MGA: variants seen among roughly 807,000 people sequenced by gnomAD.
MGA encodes the protein MAX dimerization protein MGA, also known as MAX gene-associated protein.
Under a neutral mutation model 261.1 loss-of-function variants are expected in MGA, and 40 were observed. The ratio of observed to expected loss-of-function variants is 0.15; its 90% CI spans 0.12 to 0.20. MGA has a LOEUF of 0.20. MGA is among the 10% of genes least tolerant of loss of function. MGA has a pLI of 1.00. For synonymous variants in MGA, 1,302 were observed against 1,290.6 expected (o/e 1.01, Z -0.19); for missense variants, 3,397 against 3,630.5 (o/e 0.94, Z 1.65).
At chr15:41,716,149 G>A (rs943754091) in intron 9 of MGA, among the ~76,000 whole-genome samples, 90 of 152,056 alleles carry the variant, frequency 5.9e-4, no homozygotes, top group African/African-American at 2.1e-3. Context: ...GTTAGGGAAG[G>A]ATGAAAAAGG....
intron 1 of MGA, among the ~76,000 whole-genome samples, chr15:41,648,114 T>C (rs2056970522): frequency 6.6e-6 from 1 of 152,268 alleles, no homozygotes; most frequent in Non-Finnish European, 1.5e-5. Context: ...AACAAATTCA[T>C]TCTGCAAATA....
chr15:41,734,158 T>C (rs1397936327), intron 11 of MGA, among the ~76,000 whole-genome samples: 2 of 152,122 alleles, frequency 1.3e-5, no homozygotes, highest in Non-Finnish European at 2.9e-5. Context: ...TCTTCCCACC[T>C]CGGCCTCTCG....
chr15:41,758,617 C>G (rs531634693), intron 19 of MGA, among the ~76,000 whole-genome samples: 22 of 152,236 alleles, frequency 1.4e-4, no homozygotes, highest in South Asian at 2.1e-4. Context: ...TTACATAATT[C>G]ATTGTTTTGT....
intron 2 of MGA, among the ~76,000 whole-genome samples, chr15:41,692,766 C>A (rs753209635): frequency 6.6e-6 from 1 of 152,164 alleles, no homozygotes; most frequent in East Asian, 1.9e-4. Flanking sequence ...GGCTGGAGTG[C>A]AGTGGTGCGA....
intron 9 of MGA, among the ~76,000 whole-genome samples, chr15:41,718,202 T>A (rs777600460): frequency 6.6e-6 from 1 of 151,116 alleles, no homozygotes; most frequent in Non-Finnish European, 1.5e-5. Flanking sequence ...GTTAAATTGA[T>A]AAAAATTCAA....
intron 1 of MGA, among the ~76,000 whole-genome samples, chr15:41,647,418 A>G (rs1284167234): frequency 6.6e-6 from 1 of 152,142 alleles, no homozygotes; most frequent in Non-Finnish European, 1.5e-5. Flanking sequence ...ATATGTGAAT[A>G]TTCTGTTGTA....
chr15:41,688,967 A>G (rs1325108356), intron 2 of MGA, among the ~76,000 whole-genome samples: 1 of 152,046 alleles, frequency 6.6e-6, no homozygotes, highest in South Asian at 2.1e-4. Flanking sequence ...TCCTCTTCTT[A>G]TAAGCCCACC....
rs1449137074 is a variant in MGA at position 41,743,809 on chromosome 15, A to G, written c.5212+637A>G. 3.3e-5 allele frequency among the ~76,000 whole-genome samples: 5 copies of G among 152,202 alleles called. No individual in the cohort carries two copies. The East Asian group carries it at 5.8e-4, about 18-fold the overall frequency. On this transcript the variant is annotated intron_variant, in intron 15 of 23. Transcript: ENST00000219905. ...GATTGAAATAGAAACAAGGAGGCAT[A>G]TTTGTTTAGGGCTCTAATATTTTTA... is the stretch of plus-strand genomic sequence containing the variant.
In MGA at chr15:41,736,556, C is replaced by T; in HGVS notation, c.4292C>T (p.Pro1431Leu). ...CCTGGGAAAATGGAGGATATCTCTC[C>T]TGTGCAGACAGATGCCCTGGATTCA... The change falls in exon 13 of 24, where the codon CCT becomes CTT. Residue 1431 changes from proline (P) to leucine (L), a missense_variant. Physicochemically the swap from Pro to Leu is moderately conservative, Grantham distance 98 (BLOSUM62 -3). Transcript: ENST00000219905. The T allele has an allele frequency of 6.2e-7, 1 of 1,614,018 alleles. No individual in the cohort carries two copies. Among genetic ancestry groups the T allele is most frequent in the South Asian group, 1.1e-5 (1 of 91,084 alleles).
At chr15:41,656,564 T>C (rs1251304766), upstream of MGA, among the ~76,000 whole-genome samples, 1 of 151,766 alleles carries the variant, frequency 6.6e-6, no homozygotes, top group Non-Finnish European at 1.5e-5. Flanking sequence ...CTTGCCATGT[T>C]GCCCAGGCTG....
chr15:41,715,137 C>CTTTTTTTTTTTTTTTTTTTTTTTTTTT (rs766195852), intron 9 of MGA, among the ~76,000 whole-genome samples: 1 of 124,556 alleles, frequency 8.0e-6, no homozygotes, highest in Admixed American at 8.4e-5. Flanking sequence ...TGGTTTCTGT[C>CTTTTTTTTTTTTTTTTTTTTTTTTTTT]TTTTTTTTTT....
At chr15:41,657,685 CAA>C (rs67776808), upstream of MGA, among the ~76,000 whole-genome samples, 14 of 149,288 alleles carry the variant, frequency 9.4e-5, no homozygotes, top group East Asian at 5.8e-4. Flanking sequence ...CAAAACAAAA[CAA>C]AAAAAAAAAC....
At chr15:41,718,581 T>C in intron 9 of MGA, 1 of 373,454 alleles carries the variant, frequency 2.7e-6, no homozygotes. Flanking sequence ...CAACTGCTTC[T>C]CGAAGTGAGC....
At chr15:41,640,526 G>GTT (rs879382682) in intron 1 of MGA, among the ~76,000 whole-genome samples, 1 of 147,448 alleles carries the variant, frequency 6.8e-6, no homozygotes, top group Non-Finnish European at 1.5e-5. Context: ...TTTCCTCTTA[G>GTT]TTTTTTTTTT....
At chr15:41,748,610 A>G (rs2062648469) in intron 15 of MGA, 27 bp from the exon 16 acceptor site, 3 of 1,600,810 alleles carry the variant, frequency 1.9e-6, no homozygotes, top group Non-Finnish European at 2.6e-6. Context: ...GAATTTGGGT[A>G]CCATGTTTCC....
intron 1 of MGA, among the ~76,000 whole-genome samples, chr15:41,666,621 T>A (rs901892114): frequency 6.6e-6 from 1 of 152,252 alleles, no homozygotes; most frequent in Non-Finnish European, 1.5e-5. Flanking sequence ...ATGTGTGGCA[T>A]AATTTACAAC....
rs772200180 is a variant in MGA at position 41,750,174 on chromosome 15, T to G, written c.6567T>G (p.Ala2189=). 11 of 1,613,772 alleles carry G rather than the reference T, an allele frequency of 6.8e-6. No individual in the cohort carries two copies. Among genetic ancestry groups the G allele is most frequent in the Admixed American group, 1.7e-5 (1 of 59,984 alleles). The change falls in exon 17 of 24, where the codon GCT becomes GCG. Residue 2189 remains alanine, a synonymous_variant. Transcript: ENST00000219905. The stretch of plus-strand genomic sequence containing the variant: ...CCTTAACCAGGAAATGTGTTGGAGC[T>G]TCACAGGAATGTAAGAAAGAGGCAG...
intron 1 of MGA, among the ~76,000 whole-genome samples, chr15:41,661,736 G>A (rs2057416278): frequency 6.6e-6 from 1 of 152,172 alleles, no homozygotes; most frequent in South Asian, 2.1e-4. Context: ...ACAACTGCTT[G>A]CTCTGTTCGT....
chr15:41,708,317 TTTG>T (rs901133362), intron 7 of MGA, 109 bp downstream of exon 7: 118 of 825,844 alleles, frequency 1.4e-4, no homozygotes, highest in East Asian at 2.4e-4. Context: ...CCATGGGTTT[TTTG>T]TTGTTGTTGT....
Sources: allele counts gnomAD v4.1 joint callset (sites outside exome capture counted in the v4.1 genomes callset), GRCh38; gene constraint gnomAD v4.1.1; transcripts MANE v1.5; gene names NCBI Gene and HGNC (gene_info 2026-07-23, HGNC 2026-07-21).